Variants in CLVS2 observed in about 807,000 individuals in gnomAD.
CLVS2 encodes the protein clavesin-2.
CLVS2 carries 19 observed loss-of-function variants against 29.0 expected under a neutral mutation model. The observed-to-expected ratio is 0.66, with a 90% CI of 0.46 to 0.96. The LOEUF is 0.96. Ranked by LOEUF, CLVS2 falls within the 40% of genes least tolerant of loss-of-function variation. The pLI is 0.00. For missense variants in CLVS2, 294 were observed against 404.1 expected (o/e 0.73, Z 2.34); for synonymous variants, 161 against 151.3 (o/e 1.06, Z -0.47).
chr6:123,021,264 T>G (rs958241533), intron 3 of CLVS2, among the ~76,000 whole-genome samples: 1 of 152,038 alleles, frequency 6.6e-6, no homozygotes, highest in Admixed American at 6.6e-5. Context: ...CATCCATTAT[T>G]TCTGATGAGA....
At position 123,067,616 on chromosome 6, in the gene CLVS2, G is replaced by T. The variant is rs1772881852; in HGVS notation, c.*3855G>T. ...TGAGCAGAGCTCTAGCATGATATTT[G>T]AACTTTCAGATATGGTATATGTACA... On this transcript the variant is annotated 3_prime_UTR_variant, in exon 6 of 6. Coordinates refer to ENST00000275162, the MANE Select transcript of CLVS2 (RefSeq NM_001010852.4). The T allele has an allele frequency of 6.6e-6, 1 of 151,654 alleles. No individual in the cohort carries two copies. The highest frequency in any genetic ancestry group is 2.1e-4 in the South Asian group (1 of 4,830). 9.4% of individuals were successfully genotyped at this position (151,654 alleles called of 1,614,324 possible). A position where few individuals can be genotyped will look rare whatever the true frequency, so the allele number is the denominator to read the frequency against.
At chr6:123,062,655 G>A (rs1307458731) in intron 5 of CLVS2, among the ~76,000 whole-genome samples, 3 of 152,014 alleles carry the variant, frequency 2.0e-5, no homozygotes, top group Non-Finnish European at 4.4e-5. Context: ...AGTTAATCCT[G>A]TAATTATTTT....
intron 3 of CLVS2, among the ~76,000 whole-genome samples, chr6:123,032,171 T>C (rs1775092314): frequency 6.6e-6 from 1 of 152,040 alleles, no homozygotes; most frequent in Non-Finnish European, 1.5e-5. Flanking sequence ...TTCCCCTTAG[T>C]TTTTGCATTT....
intron 5 of CLVS2, among the ~76,000 whole-genome samples, chr6:123,060,074 G>C (rs1008716499): frequency 6.6e-6 from 1 of 152,244 alleles, no homozygotes; most frequent in African/African-American, 2.4e-5. Context: ...TCCAGGACAA[G>C]AGAAGATTGC....
At chr6:123,021,587 A>G (rs769041377) in intron 3 of CLVS2, among the ~76,000 whole-genome samples, 5 of 152,008 alleles carry the variant, frequency 3.3e-5, no homozygotes, top group Non-Finnish European at 7.4e-5. Context: ...CCATTGTATT[A>G]TAGGTTTATA....
At chr6:123,060,359 T>A (rs1772757695) in intron 5 of CLVS2, among the ~76,000 whole-genome samples, 1 of 152,212 alleles carries the variant, frequency 6.6e-6, no homozygotes. Flanking sequence ...CCTAAGATAG[T>A]GCCTGGCACA....
intron 3 of CLVS2, among the ~76,000 whole-genome samples, chr6:123,014,686 T>G (rs949173278): frequency 4.3e-4 from 65 of 152,076 alleles, no homozygotes; most frequent in Non-Finnish European, 7.4e-5. Context: ...AGGTGCCATA[T>G]TTTTCTGGAT....
chr6:123,022,334 G>A (rs779363406), intron 3 of CLVS2, among the ~76,000 whole-genome samples: 4 of 151,988 alleles, frequency 2.6e-5, no homozygotes, highest in African/African-American at 7.2e-5. Context: ...TGTACTGTCT[G>A]CTGTCATTTA....
chr6:123,000,851 G>A (rs748571918), intron 2 of CLVS2, among the ~76,000 whole-genome samples: 7 of 152,222 alleles, frequency 4.6e-5, no homozygotes, highest in Non-Finnish European at 1.0e-4. Flanking sequence ...TAAAGAAACA[G>A]TGTGTGAGAA....
chr6:123,038,691 G>A (rs529514708), intron 3 of CLVS2, among the ~76,000 whole-genome samples: 49 of 151,428 alleles, frequency 3.2e-4, no homozygotes, highest in African/African-American at 1.2e-3. Context: ...ACCTAATATT[G>A]TATATTGATT....
At chr6:123,054,658 A>G (rs1032185452) in intron 4 of CLVS2, among the ~76,000 whole-genome samples, 1 of 152,198 alleles carries the variant, frequency 6.6e-6, no homozygotes, top group African/African-American at 2.4e-5. Context: ...AATTATTTTT[A>G]TGACTTACTA....
At chr6:122,999,934 A>ATTTATTATAATTAT (rs1423548574) in intron 2 of CLVS2, among the ~76,000 whole-genome samples, 5 of 152,174 alleles carry the variant, frequency 3.3e-5, no homozygotes, top group African/African-American at 1.2e-4. Flanking sequence ...ATATATGAGA[A>ATTTATTATAATTAT]AGTGATAATT....
chr6:122,998,575 G>GTCA (rs984472335), intron 2 of CLVS2, among the ~76,000 whole-genome samples: 7 of 152,084 alleles, frequency 4.6e-5, no homozygotes, highest in South Asian at 4.2e-4. Flanking sequence ...CATCATCATT[G>GTCA]TCATCATCAT....
intron 4 of CLVS2, among the ~76,000 whole-genome samples, chr6:123,055,272 AC>A (rs1177629048): frequency 1.4e-4 from 21 of 151,930 alleles, no homozygotes; most frequent in African/African-American, 5.1e-4. Flanking sequence ...TATTTACATC[AC>A]CCACTTTGCA....
At chr6:123,016,142 T>C (rs1774828954) in intron 3 of CLVS2, among the ~76,000 whole-genome samples, 1 of 148,368 alleles carries the variant, frequency 6.7e-6, no homozygotes, top group Non-Finnish European at 1.5e-5. Context: ...AAGAAAAAAT[T>C]GTCTTCCTAC....
intron 3 of CLVS2, among the ~76,000 whole-genome samples, chr6:123,018,571 G>A (rs2114317522): frequency 6.6e-6 from 1 of 151,680 alleles, no homozygotes; most frequent in Admixed American, 6.6e-5. Flanking sequence ...TCTTAGAAGT[G>A]AGTGATTCTC....
At chr6:123,062,439 C>T (rs1444789579) in intron 5 of CLVS2, among the ~76,000 whole-genome samples, 1 of 151,944 alleles carries the variant, frequency 6.6e-6, no homozygotes, top group Non-Finnish European at 1.5e-5. Context: ...CTTATATCCT[C>T]ATCTATTCTG....
chr6:123,036,845 G>C (rs760640831), intron 3 of CLVS2, among the ~76,000 whole-genome samples: 7 of 152,116 alleles, frequency 4.6e-5, no homozygotes, highest in Non-Finnish European at 7.4e-5. Context: ...AGTTCTGAAA[G>C]GAGGTGGTAG....
chr6:123,047,888 G>T (rs899334658), intron 3 of CLVS2, among the ~76,000 whole-genome samples: 3 of 152,046 alleles, frequency 2.0e-5, no homozygotes, highest in Non-Finnish European at 4.4e-5. Flanking sequence ...TGGGTTAAGG[G>T]TTCCCTTCAT....
Sources: gnomAD v4.1 joint callset for allele counts (sites outside exome capture counted in the v4.1 genomes callset) on GRCh38, gnomAD v4.1.1 for gene constraint, MANE v1.5 for transcripts, NCBI Gene and HGNC (gene_info 2026-07-23, HGNC 2026-07-21) for gene names.